DNAJC6: variants seen among roughly 807,000 people sequenced by gnomAD.
DNAJC6 encodes the protein DnaJ heat shock protein family (Hsp40) member C6.
In DNAJC6, 34 loss-of-function variants were observed where a neutral mutation model predicts 110.0. That is an observed-to-expected ratio of 0.31 (90% CI 0.24 to 0.41). The LOEUF is 0.41. Ranked by LOEUF, DNAJC6 falls within the 10% of genes least tolerant of loss-of-function variation. The probability of loss-of-function intolerance (pLI) is 1.00; values close to 1 mark genes in which losing one functional copy is unlikely to be tolerated. For synonymous variants in DNAJC6, 406 were observed against 437.2 expected, an observed-to-expected ratio of 0.93 and a Z score of 0.89; for missense variants, 1,031 against 1,207.8, an observed-to-expected ratio of 0.85 and a Z score of 2.17.
intron 4 of DNAJC6, among the ~76,000 whole-genome samples, chr1:65,366,646 T>A (rs1260252305): frequency 1.3e-5 from 2 of 152,176 alleles, no homozygotes; most frequent in East Asian, 3.8e-4. Context: ...TTAATATATT[T>A]TAAGAAGTTT....
chr1:65,406,144 T>C lies in DNAJC6; in HGVS notation c.2491+11T>C, dbSNP rs1436691111. ...GATCAAGTAATTTGGGTAAGGATAA[T>C]GGTATGGGACCTAGCTATGGGGCAG... On this transcript the variant is annotated intron_variant, in intron 16 of 18. Transcript: ENST00000371069. The C allele has an allele frequency of 5.6e-6, 9 of 1,611,284 alleles. No individual in the cohort carries two copies. Among genetic ancestry groups the C allele is most frequent in the Non-Finnish European group, 7.6e-6 (9 of 1,178,360 alleles).
At chr1:65,373,151 A>G (rs1377494950) in intron 4 of DNAJC6, among the ~76,000 whole-genome samples, 2 of 152,166 alleles carry the variant, frequency 1.3e-5, no homozygotes, top group African/African-American at 2.4e-5. Flanking sequence ...ATTCTTTTTT[A>G]TGTGAATAAT....
intron 1 of DNAJC6, among the ~76,000 whole-genome samples, chr1:65,338,847 C>T (rs115239287): frequency 0.016 from 2,390 of 152,248 alleles, 79 homozygotes; most frequent in African/African-American, 0.055. Context: ...CCAGGTATGA[C>T]ATGATTGACT....
upstream of DNAJC6, among the ~76,000 whole-genome samples, chr1:65,304,657 C>T (rs1386483882): frequency 6.6e-6 from 1 of 152,128 alleles, no homozygotes; most frequent in Non-Finnish European, 1.5e-5. Context: ...AGAGGATTCT[C>T]GGTCTATTTT....
At chr1:65,380,935 T>TTTTTTTTTTTTTTTTTTTTTTTTTTTTG in intron 5 of DNAJC6, among the ~76,000 whole-genome samples, 1 of 144,800 alleles carries the variant, frequency 6.9e-6, no homozygotes, top group African/African-American at 2.7e-5. Context: ...TTTTTTTTTT[T>TTTTTTTTTTTTTTTTTTTTTTTTTTTTG]TTGGGACCGA....
intron 1 of DNAJC6, among the ~76,000 whole-genome samples, chr1:65,353,291 G>T (rs1350452065): frequency 6.6e-6 from 1 of 152,182 alleles, no homozygotes; most frequent in Non-Finnish European, 1.5e-5. Flanking sequence ...TCATTGAATA[G>T]ATTTGATTAT....
At chr1:65,380,003 TTCCTAGAGTTCC>T (rs1557551511) in intron 5 of DNAJC6, among the ~76,000 whole-genome samples, 1 of 152,216 alleles carries the variant, frequency 6.6e-6, no homozygotes, top group African/African-American at 2.4e-5. Flanking sequence ...GACCATTGAC[TTCCTAGAGTTCC>T]TTTCCCTAAC....
intron 6 of DNAJC6, among the ~76,000 whole-genome samples, 186 bp from the exon 7 acceptor site, chr1:65,385,526 T>C (rs1645862889): frequency 6.6e-6 from 1 of 152,232 alleles, no homozygotes; most frequent in South Asian, 2.1e-4. Context: ...AGTACAGCAA[T>C]CTCAGTAGAT....
Position 65,312,417 on chromosome 1 carries a change from T to C in DNAJC6, c.193+2479T>C, listed in dbSNP as rs147031775. 2.2e-4 allele frequency among the ~76,000 whole-genome samples: 33 copies of C among 152,316 alleles called. No homozygotes were observed. In the East Asian group the frequency reaches 5.6e-3, roughly 26 times the overall value. On this transcript the variant is annotated intron_variant, in intron 1 of 18. Coordinates refer to ENST00000371069, the MANE Select transcript of DNAJC6 (RefSeq NM_001256864.2). ...GTTCTTTCTTCTAAGATCCTCAAAG[T>C]GTGGCCTGTGCAGTGTAAATATATC...
chr1:65,334,375 AG>A (rs1645315115), intron 1 of DNAJC6, among the ~76,000 whole-genome samples: 1 of 152,252 alleles, frequency 6.6e-6, no homozygotes, highest in African/African-American at 2.4e-5. Flanking sequence ...GAGACAGTGC[AG>A]GCTACTGAGG....
chr1:65,355,811 T>G (rs1357581451), intron 1 of DNAJC6, among the ~76,000 whole-genome samples: 1 of 151,784 alleles, frequency 6.6e-6, no homozygotes, highest in East Asian at 1.9e-4. Context: ...AATAGGAGAT[T>G]CTTACCCTAG....
At chr1:65,384,419 T>C in intron 6 of DNAJC6, 93 bp downstream of exon 6, 1 of 1,217,984 alleles carries the variant, frequency 8.2e-7, no homozygotes, top group Non-Finnish European at 1.0e-6. Flanking sequence ...TTCATAAGTT[T>C]CTTTTACTTT....
intron 1 of DNAJC6, among the ~76,000 whole-genome samples, chr1:65,302,141 C>T (rs139705500): frequency 0.059 from 7,796 of 132,702 alleles, 754 homozygotes; most frequent in African/African-American, 0.2. Context: ...ATATATAATA[C>T]GTATTATATA....
chr1:65,401,845 A>C lies in DNAJC6; in HGVS notation c.2192A>C (p.Gln731Pro). 6.2e-7 allele frequency: 1 copy of C among 1,613,882 alleles called. No individual in the cohort carries two copies. The change falls in exon 15 of 19, where the codon CAG becomes CCG. Residue 731 changes from glutamine (Q) to proline (P), a missense_variant. Gln to Pro is a moderately conservative substitution (Grantham distance 76). Transcript: ENST00000371069. Reference sequence around the variant, plus strand: ...ACTCCCACCCATCAAAGCAAACCCCAGACTCTGGATCCTTTTGCCGACCTT... The same window carrying C: ...ACTCCCACCCATCAAAGCAAACCCCCGACTCTGGATCCTTTTGCCGACCTT... ...HGTPTHQSKP[Q>P]TLDPFADLGT...
At position 65,333,763 on chromosome 1, in the gene DNAJC6, C is replaced by A. The variant is rs551728699; in HGVS notation, c.193+23825C>A. ...ACCCTAATAATGCTCTCTACAATGT[C>A]CCTCAGCTCAGAATTCCTTGTGACT... On this transcript the variant is annotated intron_variant, in intron 1 of 18. Coordinates refer to ENST00000371069, the MANE Select transcript of DNAJC6 (RefSeq NM_001256864.2). Among the ~76,000 whole-genome samples the A allele has an allele frequency of 2.6e-5, 4 of 152,190 alleles. No homozygotes were observed. In the East Asian group the frequency reaches 7.7e-4, roughly 29 times the overall value.
chr1:65,398,955 A>G, intron 14 of DNAJC6, 74 bp downstream of exon 14: 1 of 1,467,124 alleles, frequency 6.8e-7, no homozygotes. Context: ...TGAAGTGAGT[A>G]CTCACAGAGT....
chr1:65,334,426 G>T (rs1229871355), intron 1 of DNAJC6, among the ~76,000 whole-genome samples: 1 of 152,250 alleles, frequency 6.6e-6, no homozygotes, highest in African/African-American at 2.4e-5. Flanking sequence ...GAGAGCACGG[G>T]CTGTTGGGAG....
chr1:65,338,552 A>G (rs1449130777), intron 1 of DNAJC6, among the ~76,000 whole-genome samples: 3 of 152,138 alleles, frequency 2.0e-5, no homozygotes, highest in Non-Finnish European at 2.9e-5. Flanking sequence ...ATTATATAGA[A>G]TATTTACATA....
chr1:65,379,801 A>T (rs917004638), intron 5 of DNAJC6: 1 of 262,962 alleles, frequency 3.8e-6, no homozygotes, highest in Admixed American at 5.3e-5. Context: ...AAACAGGAGT[A>T]GTGTGTGCAC....
Sources: allele counts gnomAD v4.1 joint callset (sites outside exome capture counted in the v4.1 genomes callset), GRCh38; gene constraint gnomAD v4.1.1; transcripts MANE v1.5; gene names NCBI Gene and HGNC (gene_info 2026-07-23, HGNC 2026-07-21).